The following TENM2 variants were observed in gnomAD, a reference collection of about 807,000 sequenced individuals.
The protein encoded by TENM2 is teneurin transmembrane protein 2.
A neutral mutation model predicts 245.2 loss-of-function variants in TENM2; 52 were observed. That is an observed-to-expected ratio of 0.21 (90% CI 0.17 to 0.27). The LOEUF (loss-of-function observed/expected upper bound fraction) is 0.27, where lower values mean the gene tolerates loss of function less well. TENM2 is among the 10% of genes least tolerant of loss of function. The pLI is 1.00. For missense variants in TENM2, 3,046 were observed against 3,666.8 expected, an observed-to-expected ratio of 0.83 and a Z score of 4.37; for synonymous variants, 1,363 against 1,438.9, an observed-to-expected ratio of 0.95 and a Z score of 1.19.
intron 2 of TENM2, among the ~76,000 whole-genome samples, chr5:167,385,749 C>T (rs976090663): frequency 6.6e-6 from 1 of 151,918 alleles, no homozygotes. Context: ...TAAGTGAGAA[C>T]ATATGATGTT....
the TENM2 span, among the ~76,000 whole-genome samples, chr5:167,216,085 G>T: frequency 6.6e-6 from 1 of 152,144 alleles, no homozygotes; most frequent in African/African-American, 2.4e-5. Flanking sequence ...TAGGTCCAGT[G>T]TTACTTTCCT....
chr5:167,637,869 C>T (rs1779304625), intron 2 of TENM2, among the ~76,000 whole-genome samples: 1 of 151,810 alleles, frequency 6.6e-6, no homozygotes, highest in South Asian at 2.1e-4. Context: ...GCATGAGGAG[C>T]TTAAAACCTA....
the TENM2 span, among the ~76,000 whole-genome samples, chr5:167,199,041 C>T: frequency 6.7e-6 from 1 of 150,066 alleles, no homozygotes; most frequent in Non-Finnish European, 1.5e-5. Context: ...TGTCAAAACC[C>T]TTCCATTCCC....
chr5:167,081,786 C>T, the TENM2 span, among the ~76,000 whole-genome samples: 1 of 152,224 alleles, frequency 6.6e-6, no homozygotes, highest in Non-Finnish European at 1.5e-5. Flanking sequence ...AGCCTCCCAA[C>T]CTTACACGGC....
chr5:167,566,437 G>A (rs1416443790), intron 2 of TENM2, among the ~76,000 whole-genome samples: 1 of 152,046 alleles, frequency 6.6e-6, no homozygotes. Flanking sequence ...AAATTGCACT[G>A]TTTTTTCCTG....
intron 2 of TENM2, among the ~76,000 whole-genome samples, chr5:167,698,281 C>G (rs777904968): frequency 6.6e-6 from 1 of 152,000 alleles, no homozygotes; most frequent in Non-Finnish European, 1.5e-5. Context: ...CTTCAGATCA[C>G]CTTCTCATTT....
intron 2 of TENM2, among the ~76,000 whole-genome samples, chr5:167,468,337 A>G (rs528204298): frequency 6.6e-6 from 1 of 152,342 alleles, no homozygotes; most frequent in East Asian, 1.9e-4. Context: ...ATATTAGTCT[A>G]CTTTGCAACA....
At chr5:168,076,227 T>C (rs1015115808) in intron 7 of TENM2, among the ~76,000 whole-genome samples, 1 of 85,078 alleles carries the variant, frequency 1.2e-5, no homozygotes, top group Non-Finnish European at 2.4e-5. Flanking sequence ...TATTTTATTT[T>C]ATTTTATTTT....
At chr5:167,012,930 G>A in the TENM2 span, among the ~76,000 whole-genome samples, 2 of 152,082 alleles carry the variant, frequency 1.3e-5, no homozygotes, top group East Asian at 1.9e-4. Flanking sequence ...AAGCATGTAA[G>A]GTTGGCCTGT....
At chr5:167,559,132 A>G (rs1314290111) in intron 2 of TENM2, among the ~76,000 whole-genome samples, 2 of 152,246 alleles carry the variant, frequency 1.3e-5, no homozygotes, top group East Asian at 3.9e-4. Context: ...CATAACCTCA[A>G]ATATATACAA....
the TENM2 span, among the ~76,000 whole-genome samples, chr5:167,237,051 C>T: frequency 9.9e-5 from 15 of 152,256 alleles, no homozygotes; most frequent in African/African-American, 3.1e-4. Flanking sequence ...AGAAGTTTCT[C>T]TTGCAATTCC....
intron 12 of TENM2, among the ~76,000 whole-genome samples, chr5:168,150,020 C>A (rs1756499270): frequency 6.6e-6 from 1 of 152,138 alleles, no homozygotes; most frequent in African/African-American, 2.4e-5. Context: ...AAGACAGTCA[C>A]CTCCATCACA....
chr5:168,244,525 G>A lies in TENM2; in HGVS notation c.5626G>A (p.Val1876Met). Residue 1876 changes from valine (V) to methionine (M), a missense_variant, in exon 26 of 29, where the codon GTG (valine) becomes ATG (methionine). Physicochemically the swap from Val to Met is conservative, Grantham distance 21 (BLOSUM62 1). Around this residue, in one of 2 missense-constraint regions of TENM2, gnomAD observed 2,704 missense variants for 3,331.9 expected, o/e 0.81. Transcript: ENST00000518659. The surrounding 1 kb of genome is among the most constrained non-coding windows in gnomAD (Gnocchi z 4.9). The stretch of plus-strand genomic sequence containing the variant: ...CACCCTGAGGATCATTTATGACCAG[G>A]TGGGCCGCCCCTTCCTCTGGCTGCC... 6.2e-7 allele frequency: 1 copy of A among 1,612,494 alleles called. No homozygotes were observed.
intron 11 of TENM2, among the ~76,000 whole-genome samples, chr5:168,125,987 C>T (rs1795820020): frequency 6.6e-6 from 1 of 152,166 alleles, no homozygotes; most frequent in South Asian, 2.1e-4. Flanking sequence ...CCAAGCCACG[C>T]CTCCCTCAAT....
At chr5:167,403,448 A>G (rs989562737) in intron 2 of TENM2, among the ~76,000 whole-genome samples, 2 of 152,162 alleles carry the variant, frequency 1.3e-5, no homozygotes, top group African/African-American at 4.8e-5. Context: ...ACTTTAAATC[A>G]TTAGTTGAAA....
chr5:168,065,289 C>T (rs893240377), intron 7 of TENM2, among the ~76,000 whole-genome samples: 1 of 152,134 alleles, frequency 6.6e-6, no homozygotes, highest in East Asian at 1.9e-4. Context: ...CAGAGTCTGT[C>T]CCAGCTGACT....
chr5:167,378,604 G>A (rs1361944368), intron 2 of TENM2, among the ~76,000 whole-genome samples: 1 of 152,020 alleles, frequency 6.6e-6, no homozygotes, highest in Non-Finnish European at 1.5e-5. Flanking sequence ...AGTTTTTGCT[G>A]CTGTGAAATT....
intron 2 of TENM2, among the ~76,000 whole-genome samples, chr5:167,526,320 C>G (rs887950932): frequency 1.3e-5 from 2 of 149,622 alleles, no homozygotes; most frequent in African/African-American, 4.9e-5. Flanking sequence ...AGTCAGCTAC[C>G]TATGTCAAAA....
intron 2 of TENM2, among the ~76,000 whole-genome samples, chr5:167,668,494 T>A (rs1160634471): frequency 6.6e-6 from 1 of 152,208 alleles, no homozygotes; most frequent in Non-Finnish European, 1.5e-5. Flanking sequence ...ACTTCCTGCA[T>A]CATTCATACG....
Sources: allele counts gnomAD v4.1 joint callset (sites outside exome capture counted in the v4.1 genomes callset), GRCh38; gene constraint gnomAD v4.1.1; regional missense constraint gnomAD v4.1.1; non-coding constraint Gnocchi (gnomAD v3.1); transcripts MANE v1.5; gene names NCBI Gene and HGNC (gene_info 2026-07-23, HGNC 2026-07-21).